The following SRSF11 variants were observed in gnomAD, a reference collection of about 807,000 sequenced individuals.
The protein encoded by SRSF11 is serine and arginine rich splicing factor 11, also known as serine/arginine-rich splicing factor 11.
Under a neutral mutation model 56.0 loss-of-function variants are expected in SRSF11, and 9 were observed. That is an observed-to-expected ratio of 0.16 (90% CI 0.10 to 0.28). The LOEUF (loss-of-function observed/expected upper bound fraction) is 0.28. Ranked by LOEUF, SRSF11 falls within the 10% of genes least tolerant of loss-of-function variation. The probability of loss-of-function intolerance (pLI) is 1.00; values close to 1 mark genes in which losing one functional copy is unlikely to be tolerated. For missense variants in SRSF11, 421 were observed against 600.7 expected, an observed-to-expected ratio of 0.70 and a Z score of 3.13; for synonymous variants, 222 against 215.3, an observed-to-expected ratio of 1.03 and a Z score of -0.27.
chr1:70,240,184 A>G (rs1444889019), intron 7 of SRSF11, among the ~76,000 whole-genome samples: 1 of 152,236 alleles, frequency 6.6e-6, no homozygotes, highest in African/African-American at 2.4e-5. Flanking sequence ...CCATTTCATC[A>G]CACAGAATAT....
chr1:70,239,509 T>A lies in SRSF11; in HGVS notation c.789T>A (p.Ser263=). Residue 263 remains serine (S), a synonymous_variant, in exon 7 of 12, where the codon TCT becomes TCA. Coordinates refer to ENST00000370949, the MANE Select transcript of SRSF11 (RefSeq NM_001350605.2). ...SRSRRRRTPS[S]SRHRRSRSRS... ...CTAGGAGGAGGAGGACTCCCTCATC[T>A]TCTAGACACAGGTTAGATTGCTTTT... 4 of 1,605,002 alleles carry A rather than the reference T, an allele frequency of 2.5e-6. No homozygotes were observed. The highest frequency in any genetic ancestry group is 1.3e-5 in the African/African-American group (1 of 74,286).
intron 1 of SRSF11, among the ~76,000 whole-genome samples, chr1:70,223,218 A>G (rs1430887960): frequency 6.6e-6 from 1 of 152,220 alleles, no homozygotes; most frequent in Admixed American, 6.5e-5. Flanking sequence ...TAATAGTTTT[A>G]TTAGTGAGAT....
upstream of SRSF11, chr1:70,220,981 T>C (rs1412269981): frequency 6.6e-6 from 1 of 152,224 alleles, no homozygotes; most frequent in Non-Finnish European, 1.5e-5. Flanking sequence ...AAAATTCATG[T>C]ACATTGAAAA....
chr1:70,240,553 C>T (rs942874980), intron 7 of SRSF11, among the ~76,000 whole-genome samples: 1 of 152,128 alleles, frequency 6.6e-6, no homozygotes, highest in Non-Finnish European at 1.5e-5. Context: ...GTTGTGCAAA[C>T]GACAATATAA....
chr1:70,229,009 A>C (rs1017582578), intron 2 of SRSF11: 3 of 984,666 alleles, frequency 3.0e-6, no homozygotes, highest in Admixed American at 6.2e-5. Context: ...AAAAAAAAAA[A>C]ACACATTGAA....
intron 1 of SRSF11, among the ~76,000 whole-genome samples, chr1:70,228,043 C>T (rs942585789): frequency 4.6e-5 from 7 of 152,114 alleles, no homozygotes; most frequent in African/African-American, 1.7e-4. Flanking sequence ...ATCTTTCTTA[C>T]TCTGAGAAAG....
At chr1:70,231,016 G>A (rs1020940225) in intron 2 of SRSF11, 14 of 1,283,848 alleles carry the variant, frequency 1.1e-5, no homozygotes, top group Non-Finnish European at 1.3e-5. Flanking sequence ...TTATATTATC[G>A]GCACTTCTCA....
At chr1:70,229,286 A>C in intron 2 of SRSF11, 1 of 1,288,268 alleles carries the variant, frequency 7.8e-7, no homozygotes, top group Non-Finnish European at 1.0e-6. Flanking sequence ...GATTCTAGAC[A>C]TTAACTAAAG....
intron 2 of SRSF11, 153 bp downstream of exon 2, chr1:70,228,708 T>C: frequency 7.5e-7 from 1 of 1,324,546 alleles, no homozygotes; most frequent in Non-Finnish European, 9.7e-7. Flanking sequence ...CTTGCAGATT[T>C]TTTTTAATTC....
At chr1:70,226,576 G>T (rs1671835833) in intron 1 of SRSF11, among the ~76,000 whole-genome samples, 1 of 152,172 alleles carries the variant, frequency 6.6e-6, no homozygotes, top group African/African-American at 2.4e-5. Flanking sequence ...AGTGTTAAAA[G>T]AATTGGTAGA....
chr1:70,233,215 G>GTTTTTTTTTGTTTGTTTT (rs1673208266), intron 3 of SRSF11, among the ~76,000 whole-genome samples: 2 of 149,584 alleles, frequency 1.3e-5, no homozygotes, highest in Non-Finnish European at 3.0e-5. Context: ...GTTTTGTTTT[G>GTTTTTTTTTGTTTGTTTT]TTTTTTTTTG....
chr1:70,230,998 A>T, intron 2 of SRSF11: 1 of 1,279,346 alleles, frequency 7.8e-7, no homozygotes, highest in Non-Finnish European at 1.0e-6. Flanking sequence ...TGTGTAGTAT[A>T]CATTTGTTTA....
Position 70,250,029 on chromosome 1 carries a change from G to T in SRSF11, c.1100G>T (p.Arg367Leu), listed in dbSNP as rs780814569. Residue 367 changes from arginine to leucine, a missense_variant, in exon 10 of 12, where the codon CGC becomes CTC. Coordinates refer to ENST00000370949, the MANE Select transcript of SRSF11 (RefSeq NM_001350605.2). ...KPRSPKRKLS[R>L]SPSPRRHKKE... ...CGGTCTCCTAAAAGAAAATTGTCCCGCTCACCATCCCCTAGGAGGTAAGAA... is the reference window on the plus strand; with the variant it reads ...CGGTCTCCTAAAAGAAAATTGTCCCTCTCACCATCCCCTAGGAGGTAAGAA... 2 of 1,613,486 alleles carry T rather than the reference G, an allele frequency of 1.2e-6. No homozygotes were observed. The highest frequency in any genetic ancestry group is 2.2e-5 in the East Asian group (1 of 44,878).
At chr1:70,226,778 C>T (rs1169435144) in intron 1 of SRSF11, among the ~76,000 whole-genome samples, 9 of 152,192 alleles carry the variant, frequency 5.9e-5, no homozygotes, top group African/African-American at 4.8e-5. Context: ...ACCTGCAGCC[C>T]CATCTATTGG....
chr1:70,223,176 A>T (rs1671031088), intron 1 of SRSF11, among the ~76,000 whole-genome samples: 1 of 152,190 alleles, frequency 6.6e-6, no homozygotes, highest in South Asian at 2.1e-4. Context: ...GAACAGTAAA[A>T]TAGCAGAAAA....
chr1:70,235,598 C>T, intron 5 of SRSF11, 48 bp downstream of exon 5: 1 of 1,568,446 alleles, frequency 6.4e-7, no homozygotes, highest in South Asian at 1.2e-5. Context: ...ATCTGAATGT[C>T]TACAGAATTA....
intron 7 of SRSF11, among the ~76,000 whole-genome samples, chr1:70,240,496 T>C (rs918306603): frequency 6.6e-6 from 1 of 152,180 alleles, no homozygotes; most frequent in African/African-American, 2.4e-5. Context: ...ACTTTGAAAA[T>C]AATTTTGACC....
chr1:70,235,475 A>C lies in SRSF11; in HGVS notation c.541-26A>C, dbSNP rs748823409. The C allele has an allele frequency of 3.8e-6, 6 of 1,581,144 alleles. No individual in the cohort carries two copies. In the East Asian group the frequency reaches 1.1e-4, roughly 30 times the overall value. On this transcript the variant is annotated intron_variant, in intron 4 of 11. Transcript: ENST00000370949. Reference sequence around the variant, plus strand: ...GTCATTTATTGTTTTATGTATTCTCATTATTCTTATGTTTTATTTTTACAG... The same window carrying C: ...GTCATTTATTGTTTTATGTATTCTCCTTATTCTTATGTTTTATTTTTACAG...
At chr1:70,245,575 G>A (rs1230431227) in intron 8 of SRSF11, among the ~76,000 whole-genome samples, 1 of 152,174 alleles carries the variant, frequency 6.6e-6, no homozygotes, top group South Asian at 2.1e-4. Context: ...TTAATTACAG[G>A]GGAGGAACTG....
Sources: gnomAD v4.1 joint callset for allele counts (sites outside exome capture counted in the v4.1 genomes callset) on GRCh38, gnomAD v4.1.1 for gene constraint, MANE v1.5 for transcripts, NCBI Gene and HGNC (gene_info 2026-07-23, HGNC 2026-07-21) for gene names.